JAK2: variants seen among roughly 807,000 people sequenced by gnomAD.
JAK2 encodes Janus kinase 2, also known as tyrosine-protein kinase JAK2.
In JAK2, 86 loss-of-function variants were observed where a neutral mutation model predicts 139.3. The observed-to-expected ratio is 0.62, with a 90% CI of 0.52 to 0.74. The LOEUF (loss-of-function observed/expected upper bound fraction) is 0.74, where lower values mean the gene tolerates loss of function less well. Among genes scored for constraint, JAK2 ranks in the 30% least tolerant of loss-of-function variants. The pLI, the probability that JAK2 is intolerant of heterozygous loss-of-function variation, is 0.00. For missense variants in JAK2, 1,421 were observed against 1,360.3 expected (o/e 1.04, Z -0.70); for synonymous variants, 490 against 437.7 (o/e 1.12, Z -1.49).
intron 14 of JAK2, 79 bp from the exon 15 acceptor site, chr9:5,077,374 A>C: frequency 2.0e-6 from 1 of 491,066 alleles, no homozygotes; most frequent in East Asian, 4.3e-5. Context: ...GGTCACATGT[A>C]AGTATAAAGA....
At chr9:5,025,062 A>G (rs775672250) in intron 3 of JAK2, among the ~76,000 whole-genome samples, 3 of 152,150 alleles carry the variant, frequency 2.0e-5, no homozygotes, top group Non-Finnish European at 4.4e-5. Flanking sequence ...TTCTTGATTC[A>G]GCATTTATCT....
chr9:5,055,618 A>C, intron 7 of JAK2, 51 bp from the exon 8 acceptor site: 1 of 1,405,240 alleles, frequency 7.1e-7, no homozygotes, highest in Non-Finnish European at 9.8e-7. Flanking sequence ...TTGTTTTAAA[A>C]TGGCTCTGTA....
chr9:5,090,307 A>AG, intron 20 of JAK2, 139 bp from the exon 21 acceptor site: 1 of 518,196 alleles, frequency 1.9e-6, no homozygotes, highest in Non-Finnish European at 3.1e-6. Context: ...CTTAACAACT[A>AG]TATCACCTTT....
In JAK2 at chr9:5,127,358, C is replaced by G. The variant is rs2130868501; in HGVS notation, c.*567C>G. On this transcript the variant is annotated 3_prime_UTR_variant, in exon 25 of 25. Coordinates refer to ENST00000381652, the MANE Select transcript of JAK2 (RefSeq NM_004972.4). ...GTCCTTGTTCATTTATATCGCTGGC[C>G]AGCATTATAAGCAGGTGTATACTTT... 4.3e-6 allele frequency: 1 copy of G among 231,952 alleles called. No homozygotes were observed. Among genetic ancestry groups the G allele is most frequent in the Admixed American group, 5.6e-5 (1 of 17,716 alleles). 14.4% of individuals were successfully genotyped at this position (231,952 alleles called of 1,614,324 possible).
intron 12 of JAK2, among the ~76,000 whole-genome samples, chr9:5,071,767 C>T (rs1362876590): frequency 6.6e-6 from 1 of 152,154 alleles, no homozygotes; most frequent in Non-Finnish European, 1.5e-5. Flanking sequence ...ATGTGAGTAA[C>T]AGGAAACAGA....
chr9:5,038,499 T>C (rs1318568727), intron 4 of JAK2, among the ~76,000 whole-genome samples: 1 of 151,612 alleles, frequency 6.6e-6, no homozygotes, highest in African/African-American at 2.4e-5. Context: ...ATGTTGTAGG[T>C]AGAAAATCAA....
At position 5,054,498 on chromosome 9, in the gene JAK2, T is replaced by C. The variant is rs2130406077; in HGVS notation, c.615-65T>C. The C allele has an allele frequency of 1.1e-5, 15 of 1,369,648 alleles. No homozygotes were observed. The highest frequency in any genetic ancestry group is 2.3e-5 in the East Asian group (1 of 43,362). The allele number at this position is 1,369,648 out of a possible 1,614,324, so 84.8% of individuals were successfully genotyped here. On this transcript the variant is annotated intron_variant, in intron 6 of 24. Transcript: ENST00000381652. The surrounding 1 kb of genome is among the most constrained non-coding windows in gnomAD (Gnocchi z 4.9). ...AAAAAGGTGGTAACTTCTTTTTCAA[T>C]TTTTAGATTTATCTTCCAATTTTTG...
intron 22 of JAK2, among the ~76,000 whole-genome samples, chr9:5,103,963 C>G (rs1821742156): frequency 6.6e-6 from 1 of 152,012 alleles, no homozygotes; most frequent in Non-Finnish European, 1.5e-5. Context: ...CAAGAGAAAG[C>G]AGGAAAGAGC....
At chr9:5,047,225 A>G (rs1317558922) in intron 5 of JAK2, among the ~76,000 whole-genome samples, 2 of 152,238 alleles carry the variant, frequency 1.3e-5, no homozygotes, top group South Asian at 4.1e-4. Context: ...TAGACTATAT[A>G]TAGCAAATGT....
At chr9:5,085,282 C>T in intron 19 of JAK2, 1 of 704,178 alleles carries the variant, frequency 1.4e-6, no homozygotes, top group Non-Finnish European at 2.7e-6. Context: ...TGTTGGTTTG[C>T]CTATGTTAGA....
intron 5 of JAK2, among the ~76,000 whole-genome samples, chr9:5,047,971 T>G (rs1817134262): frequency 6.6e-6 from 1 of 152,178 alleles, no homozygotes. Context: ...AGGAATAGTA[T>G]TTATTATGTT....
chr9:5,018,140 A>G (rs1272220323), intron 2 of JAK2, among the ~76,000 whole-genome samples: 4 of 152,018 alleles, frequency 2.6e-5, no homozygotes, highest in Admixed American at 6.6e-5. Flanking sequence ...CATTTTATTA[A>G]TTGATTTCTG....
intron 4 of JAK2, among the ~76,000 whole-genome samples, chr9:5,042,599 A>AGGCGCAGCCCC (rs1816675381): frequency 1.3e-5 from 2 of 151,668 alleles, no homozygotes; most frequent in African/African-American, 4.9e-5. Flanking sequence ...CCCAGGGCTG[A>AGGCGCAGCCCC]GGCCCAGCCA....
At chr9:4,998,270 T>G (rs1248731210) in intron 2 of JAK2, among the ~76,000 whole-genome samples, 1 of 152,146 alleles carries the variant, frequency 6.6e-6, no homozygotes, top group Non-Finnish European at 1.5e-5. Flanking sequence ...TTTGTTGTTG[T>G]TGTTGAGATG....
chr9:5,080,238 A>G lies in JAK2; in HGVS notation c.2141A>G (p.Glu714Gly), dbSNP rs1293164723. The G allele has an allele frequency of 1.2e-6, 2 of 1,611,052 alleles. No individual in the cohort carries two copies. Among genetic ancestry groups the G allele is most frequent in the Non-Finnish European group, 1.7e-6 (2 of 1,178,188 alleles). Residue 714 changes from glutamate (E) to glycine (G), a missense_variant, in exon 17 of 25, where the codon GAG becomes GGG. By Grantham distance (98) the Glu-to-Gly change is moderately conservative. Coordinates refer to ENST00000381652, the MANE Select transcript of JAK2 (RefSeq NM_004972.4). ...ITVLPKDILQ[E>G]RIPWVPPECI... is the part of the protein sequence containing the mutation. ...TCGTATCATTTAAAAGTTCTTCAGGAGAGAATACCATGGGTACCACCTGAA... is the reference window on the plus strand; with the variant it reads ...TCGTATCATTTAAAAGTTCTTCAGGGGAGAATACCATGGGTACCACCTGAA...
intron 5 of JAK2, among the ~76,000 whole-genome samples, chr9:5,050,352 G>GT (rs1817326303): frequency 6.6e-6 from 1 of 152,134 alleles, no homozygotes; most frequent in Non-Finnish European, 1.5e-5. Flanking sequence ...CTAGGGTGCA[G>GT]TGGTGTGATC....
Position 5,081,705 on chromosome 9 carries a change from A to G in JAK2, c.2435-20A>G, listed in dbSNP as rs1266974022. 19 of 1,543,702 alleles carry G rather than the reference A, an allele frequency of 1.2e-5. No individual in the cohort carries two copies. The highest frequency in any genetic ancestry group is 1.7e-5 in the Non-Finnish European group (19 of 1,117,434). ...ATGTTATTTGCTAATTTAAGGTGAT[A>G]ATATTCTTTATTTCTCCAGATTATG... On this transcript the variant is annotated intron_variant, in intron 18 of 24. Transcript: ENST00000381652.
At chr9:5,063,244 T>C (rs1043918900) in intron 8 of JAK2, among the ~76,000 whole-genome samples, 15 of 152,212 alleles carry the variant, frequency 9.9e-5, no homozygotes, top group African/African-American at 3.1e-4. Flanking sequence ...CTTTATGATT[T>C]TTCCTTTGTA....
chr9:5,023,745 T>C, intron 3 of JAK2, among the ~76,000 whole-genome samples: 1 of 152,200 alleles, frequency 6.6e-6, no homozygotes, highest in East Asian at 1.9e-4. Flanking sequence ...TGTGATTATA[T>C]ACTCATGGTT....
Sources: allele counts gnomAD v4.1 joint callset (sites outside exome capture counted in the v4.1 genomes callset), GRCh38; gene constraint gnomAD v4.1.1; non-coding constraint Gnocchi (gnomAD v3.1); transcripts MANE v1.5; gene names NCBI Gene and HGNC (gene_info 2026-07-23, HGNC 2026-07-21).